The following GAPVD1 variants were observed in gnomAD, a reference collection of about 807,000 sequenced individuals.
GAPVD1 encodes GTPase-activating protein and VPS9 domain-containing protein 1.
A neutral mutation model predicts 155.5 loss-of-function variants in GAPVD1; 35 were observed. The observed-to-expected ratio is 0.23, with a 90% CI of 0.17 to 0.30. The LOEUF is 0.30. Among genes scored for constraint, GAPVD1 ranks in the 10% least tolerant of loss-of-function variants. The probability of loss-of-function intolerance (pLI) is 1.00; values close to 1 mark genes in which losing one functional copy is unlikely to be tolerated. For synonymous variants in GAPVD1, 636 were observed against 619.7 expected, an observed-to-expected ratio of 1.03 and a Z score of -0.39; for missense variants, 1,429 against 1,775.7, an observed-to-expected ratio of 0.80 and a Z score of 3.51.
intron 12 of GAPVD1, among the ~76,000 whole-genome samples, chr9:125,326,808 A>G (rs931022917): frequency 6.7e-6 from 1 of 150,236 alleles, no homozygotes; most frequent in African/African-American, 2.5e-5. Flanking sequence ...CCCCTTACCC[A>G]TCCTCCTCCC....
intron 4 of GAPVD1, among the ~76,000 whole-genome samples, chr9:125,301,085 T>C (rs529578059): frequency 2.2e-4 from 33 of 152,292 alleles, no homozygotes; most frequent in African/African-American, 7.0e-4. Flanking sequence ...TTTTTTTTTT[T>C]TTCAGACAGG....
intron 2 of GAPVD1, among the ~76,000 whole-genome samples, chr9:125,287,593 G>A (rs1837912983): frequency 6.6e-6 from 1 of 152,282 alleles, no homozygotes; most frequent in Middle Eastern, 3.4e-3. Context: ...AATTAGGATT[G>A]GAGGGGTGGA....
rs1452920919 is a variant in GAPVD1, at chr9:125,360,744, T to C, written c.4242+19T>C. 3.1e-6 allele frequency: 5 copies of C among 1,587,578 alleles called. No homozygotes were observed. The highest frequency in any genetic ancestry group is 3.3e-5 in the Admixed American group (2 of 59,920). ...GATAAAGGTGGGCCCCTTACTACTA[T>C]CAGTTAAGGAGTTATGTGGCATTCT... On this transcript the variant is annotated intron_variant, in intron 27 of 27. Transcript: ENST00000297933.
chr9:125,295,079 A>G (rs527466013), intron 2 of GAPVD1, among the ~76,000 whole-genome samples: 1 of 151,858 alleles, frequency 6.6e-6, no homozygotes, highest in African/African-American at 2.4e-5. Flanking sequence ...TCAAATGAGG[A>G]TAATGAGAGT....
intron 2 of GAPVD1, among the ~76,000 whole-genome samples, chr9:125,291,246 C>T (rs544250618): frequency 4.3e-4 from 65 of 152,080 alleles, no homozygotes; most frequent in African/African-American, 1.4e-3. Flanking sequence ...GTGATCATGC[C>T]ACTGCACTCC....
chr9:125,279,519 C>T (rs1307303206), intron 2 of GAPVD1, among the ~76,000 whole-genome samples: 5 of 146,100 alleles, frequency 3.4e-5, no homozygotes, highest in African/African-American at 7.6e-5. Context: ...TGCAGTGAGC[C>T]GAGATCGTGC....
intron 12 of GAPVD1, among the ~76,000 whole-genome samples, chr9:125,326,810 C>A (rs533111186): frequency 8.9e-4 from 135 of 151,100 alleles, no homozygotes; most frequent in African/African-American, 3.1e-3. Context: ...CCTTACCCAT[C>A]CTCCTCCCAG....
intron 12 of GAPVD1, among the ~76,000 whole-genome samples, chr9:125,327,557 G>C (rs983079126): frequency 1.3e-5 from 2 of 151,970 alleles, no homozygotes; most frequent in Admixed American, 1.3e-4. Flanking sequence ...GGCTGGAGTT[G>C]CAGTGGTGCG....
Position 125,352,886 on chromosome 9 carries a change from C to A in GAPVD1, c.3570-1768C>A, listed in dbSNP as rs545926256. Among the ~76,000 whole-genome samples, 3 of 152,246 alleles carry A rather than the reference C, an allele frequency of 2.0e-5. No individual in the cohort carries two copies. The East Asian group carries it at 5.8e-4, about 29-fold the overall frequency. On this transcript the variant is annotated intron_variant, in intron 23 of 27. Transcript: ENST00000297933. The stretch of plus-strand genomic sequence containing the variant: ...CTTTGGGAGGCCAAGGCAGGTGGAT[C>A]ACCCGAGGTCAGGAGTTCAAGACCA...
chr9:125,312,421 C>G, intron 8 of GAPVD1, 31 bp from the exon 9 acceptor site: 1 of 1,436,652 alleles, frequency 7.0e-7, no homozygotes, highest in East Asian at 2.5e-5. Context: ...GTCTATTTCT[C>G]TAAATTATTT....
At chr9:125,347,184 C>T (rs1848616774) in intron 20 of GAPVD1, among the ~76,000 whole-genome samples, 1 of 152,082 alleles carries the variant, frequency 6.6e-6, no homozygotes, top group Admixed American at 6.5e-5. Flanking sequence ...GGGTGACTGG[C>T]CCACAGAGAG....
intron 3 of GAPVD1, among the ~76,000 whole-genome samples, chr9:125,297,967 A>G (rs1840143046): frequency 6.6e-6 from 1 of 152,178 alleles, no homozygotes. Context: ...GCTGGTCTCG[A>G]ACTCCTGACC....
At chr9:125,327,004 C>G (rs923970740) in intron 12 of GAPVD1, among the ~76,000 whole-genome samples, 37 of 152,118 alleles carry the variant, frequency 2.4e-4, no homozygotes, top group African/African-American at 7.2e-4. Context: ...AAATCTTTCA[C>G]AACAATATGA....
intron 23 of GAPVD1, among the ~76,000 whole-genome samples, chr9:125,352,827 G>A (rs768013475): frequency 6.6e-6 from 1 of 152,080 alleles, no homozygotes; most frequent in Non-Finnish European, 1.5e-5. Flanking sequence ...CTGTATGCTG[G>A]CCAGCATGGT....
chr9:125,323,310 T>G (rs181734473), intron 10 of GAPVD1, among the ~76,000 whole-genome samples: 17 of 151,048 alleles, frequency 1.1e-4, no homozygotes, highest in Non-Finnish European at 2.2e-4. Context: ...GTGTTGTGTT[T>G]TGTTTTGTTT....
chr9:125,331,077 A>G (rs1189600287), intron 13 of GAPVD1, among the ~76,000 whole-genome samples: 1 of 152,066 alleles, frequency 6.6e-6, no homozygotes, highest in Non-Finnish European at 1.5e-5. Context: ...GATTATGAAG[A>G]CGCATCTTTG....
chr9:125,263,961 T>C (rs1307825055), intron 1 of GAPVD1: 2 of 1,399,654 alleles, frequency 1.4e-6, no homozygotes, highest in Admixed American at 3.4e-5. Flanking sequence ...AGAGACTGCA[T>C]GGCCTTCATG....
intron 9 of GAPVD1, among the ~76,000 whole-genome samples, chr9:125,318,830 C>G (rs1040165915): frequency 2.6e-5 from 4 of 151,508 alleles, no homozygotes; most frequent in African/African-American, 9.7e-5. Flanking sequence ...CAGAAGGATC[C>G]TTGGGTCCAG....
intron 15 of GAPVD1, among the ~76,000 whole-genome samples, chr9:125,332,863 G>C (rs1319784829): frequency 6.6e-6 from 1 of 152,144 alleles, no homozygotes; most frequent in African/African-American, 2.4e-5. Flanking sequence ...TTAGCACGAA[G>C]ATGTTCTTTA....
Sources: allele counts gnomAD v4.1 joint callset (sites outside exome capture counted in the v4.1 genomes callset), GRCh38; gene constraint gnomAD v4.1.1; transcripts MANE v1.5; gene names NCBI Gene and HGNC (gene_info 2026-07-23, HGNC 2026-07-21).